The following DNAH6 variants were observed in gnomAD, a reference collection of about 807,000 sequenced individuals.
DNAH6 encodes axonemal beta dynein heavy chain 6.
In DNAH6, 340 loss-of-function variants were observed where a neutral mutation model predicts 491.4. The ratio of observed to expected loss-of-function variants is 0.69; its 90% CI spans 0.63 to 0.76. The LOEUF is 0.76. Among genes scored for constraint, DNAH6 ranks in the 30% least tolerant of loss-of-function variants. The pLI, the probability that DNAH6 is intolerant of heterozygous loss-of-function variation, is 0.00. For synonymous variants in DNAH6, 1,603 were observed against 1,686.1 expected (o/e 0.95, Z 1.21); for missense variants, 4,443 against 4,972.2 (o/e 0.89, Z 3.20).
chr2:84,602,524 A>T (rs1685351149), intron 18 of DNAH6, among the ~76,000 whole-genome samples: 1 of 96,162 alleles, frequency 1.0e-5, no homozygotes, highest in African/African-American at 4.6e-5. Context: ...GGCTACTTTC[A>T]AGATTTTCTC....
intron 53 of DNAH6, 83 bp from the exon 54 acceptor site, chr2:84,707,437 A>T: frequency 2.3e-6 from 3 of 1,276,724 alleles, no homozygotes; most frequent in Middle Eastern, 2.4e-4. Flanking sequence ...CTATTCTGCT[A>T]TAAAAAGAAA....
In DNAH6 at chr2:84,601,061, A is replaced by G. The variant is rs150375578; in HGVS notation, c.2869-3278A>G. Among the ~76,000 whole-genome samples, 5 of 148,834 alleles carry G rather than the reference A, an allele frequency of 3.4e-5. No individual in the cohort carries two copies. The East Asian group carries it at 7.8e-4, about 23-fold the overall frequency. Reference sequence around the variant, plus strand: ...ATACTATAATAATAATGTTATTATTATACTATAAGGAATCCTTGTAGAAAT... The same window carrying G: ...ATACTATAATAATAATGTTATTATTGTACTATAAGGAATCCTTGTAGAAAT... On this transcript the variant is annotated intron_variant, in intron 18 of 76. Transcript: ENST00000389394.
chr2:84,786,252 C>A (rs1171795504), intron 67 of DNAH6, among the ~76,000 whole-genome samples: 1 of 151,804 alleles, frequency 6.6e-6, no homozygotes, highest in Non-Finnish European at 1.5e-5. Context: ...ACAGCGAAAC[C>A]CCATCTCTAC....
At chr2:84,810,553 C>T (rs1462691937) in intron 72 of DNAH6, among the ~76,000 whole-genome samples, 1 of 152,234 alleles carries the variant, frequency 6.6e-6, no homozygotes, top group Non-Finnish European at 1.5e-5. Flanking sequence ...AGGCCTTCCT[C>T]ACCTGACCTC....
At chr2:84,781,202 G>A (rs780676987) in intron 64 of DNAH6, among the ~76,000 whole-genome samples, 4 of 152,136 alleles carry the variant, frequency 2.6e-5, no homozygotes, top group African/African-American at 7.2e-5. Flanking sequence ...GTGGAGAGAG[G>A]CATGAGAGAA....
chr2:84,530,321 A>G (rs965308523), intron 4 of DNAH6, among the ~76,000 whole-genome samples: 2 of 152,120 alleles, frequency 1.3e-5, no homozygotes, highest in Non-Finnish European at 2.9e-5. Context: ...AGTGGGCCTC[A>G]TTGAGAAGCT....
At chr2:84,618,893 T>C (rs1458574434) in intron 23 of DNAH6, among the ~76,000 whole-genome samples, 1 of 152,172 alleles carries the variant, frequency 6.6e-6, no homozygotes, top group African/African-American at 2.4e-5. Context: ...AGGTCCGCTA[T>C]TGGAACACAA....
chr2:84,578,531 T>C (rs1682701303), intron 13 of DNAH6, among the ~76,000 whole-genome samples: 1 of 152,200 alleles, frequency 6.6e-6, no homozygotes, highest in African/African-American at 2.4e-5. Flanking sequence ...TATTTCTTTC[T>C]CTTTCCTGAG....
At chr2:84,729,527 A>G (rs1159666443) in intron 61 of DNAH6, among the ~76,000 whole-genome samples, 2 of 152,202 alleles carry the variant, frequency 1.3e-5, no homozygotes, top group African/African-American at 2.4e-5. Flanking sequence ...GAGCTTTCCA[A>G]AATCACAATA....
chr2:84,749,829 A>G (rs564833257), intron 63 of DNAH6, among the ~76,000 whole-genome samples: 3 of 152,272 alleles, frequency 2.0e-5, no homozygotes, highest in Non-Finnish European at 4.4e-5. Flanking sequence ...AGAAAATTAT[A>G]GACTATGAAA....
intron 75 of DNAH6, among the ~76,000 whole-genome samples, chr2:84,815,084 T>C (rs530857542): frequency 2.6e-5 from 4 of 152,328 alleles, no homozygotes; most frequent in African/African-American, 9.6e-5. Flanking sequence ...ACCCAGTAGG[T>C]AGCAGGATAG....
intron 11 of DNAH6, among the ~76,000 whole-genome samples, chr2:84,561,729 A>G (rs1031517164): frequency 6.6e-6 from 1 of 152,230 alleles, no homozygotes; most frequent in South Asian, 2.1e-4. Context: ...AAAGTGGGCA[A>G]AGGATATGAA....
chr2:84,461,197 G>A, the DNAH6 span, among the ~76,000 whole-genome samples: 2 of 152,216 alleles, frequency 1.3e-5, no homozygotes, highest in African/African-American at 4.8e-5. Context: ...AATCACTTAT[G>A]TCTTTAGATA....
intron 22 of DNAH6, among the ~76,000 whole-genome samples, chr2:84,615,303 C>T (rs1686741353): frequency 6.6e-6 from 1 of 151,990 alleles, no homozygotes; most frequent in Non-Finnish European, 1.5e-5. Flanking sequence ...CCTTTTCCCA[C>T]TTTATGTTTT....
chr2:84,678,045 G>C (rs1264827425), intron 41 of DNAH6, among the ~76,000 whole-genome samples: 2 of 152,168 alleles, frequency 1.3e-5, no homozygotes, highest in Admixed American at 6.5e-5. Context: ...TCTTCCAGTA[G>C]AAGCCCTCTC....
intron 70 of DNAH6, among the ~76,000 whole-genome samples, chr2:84,804,952 C>G (rs1387129744): frequency 6.6e-6 from 1 of 151,964 alleles, no homozygotes; most frequent in African/African-American, 2.4e-5. Context: ...TAACTAGGAC[C>G]ACAGGTATAC....
At chr2:84,592,445 C>A (rs1418633257) in intron 16 of DNAH6, among the ~76,000 whole-genome samples, 1 of 152,060 alleles carries the variant, frequency 6.6e-6, no homozygotes, top group Non-Finnish European at 1.5e-5. Flanking sequence ...AATGAATTAC[C>A]AATATTGGCA....
the DNAH6 span, among the ~76,000 whole-genome samples, chr2:84,472,994 T>G: frequency 1.4e-4 from 21 of 152,226 alleles, no homozygotes; most frequent in Admixed American, 1.2e-3. Flanking sequence ...AGCCATAAGT[T>G]CAGCCCTTTG....
At chr2:84,650,675 C>A (rs1690373662) in intron 33 of DNAH6, among the ~76,000 whole-genome samples, 1 of 152,034 alleles carries the variant, frequency 6.6e-6, no homozygotes, top group Non-Finnish European at 1.5e-5. Flanking sequence ...CTGTTTGAAC[C>A]CAGGAGTTCA....
Sources: allele counts gnomAD v4.1 joint callset (sites outside exome capture counted in the v4.1 genomes callset), GRCh38; gene constraint gnomAD v4.1.1; transcripts MANE v1.5; gene names NCBI Gene and HGNC (gene_info 2026-07-23, HGNC 2026-07-21).